Variants in FRMD5 observed in about 807,000 individuals in gnomAD.
The protein encoded by FRMD5 is FERM domain containing 5.
In FRMD5, 20 loss-of-function variants were observed where a neutral mutation model predicts 69.0. The ratio of observed to expected loss-of-function variants is 0.29; its 90% CI spans 0.20 to 0.42. The LOEUF (loss-of-function observed/expected upper bound fraction) is 0.42. Ranked by LOEUF, FRMD5 falls within the 10% of genes least tolerant of loss-of-function variation. The pLI, the probability that FRMD5 is intolerant of heterozygous loss-of-function variation, is 1.00. For missense variants in FRMD5, 595 were observed against 708.6 expected (o/e 0.84, Z 1.82); for synonymous variants, 271 against 260.1 (o/e 1.04, Z -0.40).
chr15:44,046,730 A>T (rs1214404249), intron 1 of FRMD5, among the ~76,000 whole-genome samples: 1 of 152,196 alleles, frequency 6.6e-6, no homozygotes, highest in Non-Finnish European at 1.5e-5. Flanking sequence ...ACCTTTTTAC[A>T]TTTTAGTGTT....
At chr15:43,962,907 A>C (rs2140547557) in intron 1 of FRMD5, among the ~76,000 whole-genome samples, 1 of 152,382 alleles carries the variant, frequency 6.6e-6, no homozygotes, top group East Asian at 1.9e-4. Flanking sequence ...AAATTAATTC[A>C]AGATGGATTA....
At chr15:44,034,487 T>G (rs1891822848) in intron 1 of FRMD5, among the ~76,000 whole-genome samples, 1 of 152,236 alleles carries the variant, frequency 6.6e-6, no homozygotes, top group Admixed American at 6.5e-5. Flanking sequence ...TCCTCTCACT[T>G]GCCACCTGCA....
intron 1 of FRMD5, among the ~76,000 whole-genome samples, chr15:43,936,594 T>C (rs1236701975): frequency 1.3e-5 from 2 of 152,090 alleles, no homozygotes; most frequent in Non-Finnish European, 2.9e-5. Context: ...GTGAGATCAG[T>C]GTAGGAAAGA....
At chr15:44,036,367 A>C (rs919388643) in intron 1 of FRMD5, among the ~76,000 whole-genome samples, 1 of 150,790 alleles carries the variant, frequency 6.6e-6, no homozygotes, top group Non-Finnish European at 1.5e-5. Flanking sequence ...AAAAAAAAAA[A>C]CCCTCCTGGG....
intron 1 of FRMD5, among the ~76,000 whole-genome samples, chr15:44,131,027 C>T (rs764955240): frequency 2.0e-5 from 3 of 152,306 alleles, no homozygotes; most frequent in Non-Finnish European, 4.4e-5. Flanking sequence ...ATCTCAAAGG[C>T]TATCTAGCCT....
chr15:43,984,273 A>G (rs1212330952), intron 1 of FRMD5, among the ~76,000 whole-genome samples: 1 of 152,172 alleles, frequency 6.6e-6, no homozygotes, highest in Non-Finnish European at 1.5e-5. Context: ...TGCAAATAGA[A>G]AAAGCTTTAC....
intron 1 of FRMD5, among the ~76,000 whole-genome samples, chr15:44,014,610 G>A (rs141329567): frequency 0.019 from 2,823 of 152,182 alleles, 85 homozygotes; most frequent in African/African-American, 0.064. Context: ...GGTGGCAGGC[G>A]CCTGTAATCC....
intron 1 of FRMD5, among the ~76,000 whole-genome samples, chr15:43,995,750 G>C (rs1889889790): frequency 6.6e-6 from 1 of 152,122 alleles, no homozygotes; most frequent in African/African-American, 2.4e-5. Context: ...CCTGAAGACT[G>C]GGTCCATGGG....
chr15:44,072,314 G>A (rs927021612), intron 1 of FRMD5, among the ~76,000 whole-genome samples: 11 of 152,110 alleles, frequency 7.2e-5, no homozygotes, highest in African/African-American at 2.7e-4. Flanking sequence ...TCAAAATAAG[G>A]AACAGGGTAT....
At chr15:44,081,554 G>A (rs752870363) in intron 1 of FRMD5, among the ~76,000 whole-genome samples, 2 of 152,044 alleles carry the variant, frequency 1.3e-5, no homozygotes, top group Non-Finnish European at 2.9e-5. Flanking sequence ...CTATGGTCCA[G>A]TCGTTTACTT....
chr15:44,144,138 G>A (rs981704005), intron 1 of FRMD5, among the ~76,000 whole-genome samples: 5 of 151,996 alleles, frequency 3.3e-5, no homozygotes, highest in Non-Finnish European at 5.9e-5. Flanking sequence ...GCCAGTGTTC[G>A]TCATACTTCA....
intron 8 of FRMD5, among the ~76,000 whole-genome samples, chr15:43,891,635 G>A (rs1452710142): frequency 5.3e-5 from 8 of 152,110 alleles, no homozygotes; most frequent in South Asian, 2.1e-4. Flanking sequence ...GCTCAACAGG[G>A]CTAACTATGA....
intron 1 of FRMD5, among the ~76,000 whole-genome samples, chr15:44,121,197 G>A (rs1392172126): frequency 1.5e-5 from 2 of 135,612 alleles, no homozygotes; most frequent in African/African-American, 5.5e-5. Flanking sequence ...TAACAATGTC[G>A]AATAGTGCAA....
chr15:43,985,081 C>A (rs1889322164), intron 1 of FRMD5, among the ~76,000 whole-genome samples: 1 of 151,458 alleles, frequency 6.6e-6, no homozygotes, highest in South Asian at 2.1e-4. Context: ...GAGATCAAGA[C>A]CATCCCGGCT....
chr15:44,166,305 T>C (rs929806454), intron 1 of FRMD5, among the ~76,000 whole-genome samples: 11 of 152,162 alleles, frequency 7.2e-5, no homozygotes, highest in African/African-American at 2.7e-4. Flanking sequence ...ATGATGATGG[T>C]GGTGGTGATT....
chr15:44,059,073 C>CA (rs1892986990), intron 1 of FRMD5, among the ~76,000 whole-genome samples: 1 of 152,118 alleles, frequency 6.6e-6, no homozygotes, highest in Non-Finnish European at 1.5e-5. Context: ...TTAATGTGAG[C>CA]AAATGCAAGA....
chr15:43,962,665 G>T (rs1223286610), intron 1 of FRMD5, among the ~76,000 whole-genome samples: 1 of 152,162 alleles, frequency 6.6e-6, no homozygotes, highest in South Asian at 2.1e-4. Flanking sequence ...ATACTACAAG[G>T]CTACAGTAAC....
intron 1 of FRMD5, among the ~76,000 whole-genome samples, chr15:44,182,865 G>A (rs1386609744): frequency 1.3e-5 from 2 of 151,980 alleles, no homozygotes; most frequent in Non-Finnish European, 2.9e-5. Flanking sequence ...GCATGATCTC[G>A]GCTCACTGCA....
intron 1 of FRMD5, among the ~76,000 whole-genome samples, chr15:44,081,382 T>C (rs1223989833): frequency 6.6e-6 from 1 of 152,140 alleles, no homozygotes; most frequent in Non-Finnish European, 1.5e-5. Context: ...AAGTTCTCTG[T>C]TACACATACA....
Sources: gnomAD v4.1 joint callset for allele counts (sites outside exome capture counted in the v4.1 genomes callset) on GRCh38, gnomAD v4.1.1 for gene constraint, MANE v1.5 for transcripts, NCBI Gene and HGNC (gene_info 2026-07-23, HGNC 2026-07-21) for gene names.